Variants in TMEM132B observed in about 807,000 individuals in gnomAD.
TMEM132B encodes the protein transmembrane protein 132B.
Under a neutral mutation model 90.8 loss-of-function variants are expected in TMEM132B, and 18 were observed. The observed-to-expected ratio is 0.20, with a 90% CI of 0.14 to 0.29. The LOEUF is 0.29. Ranked by LOEUF, TMEM132B falls within the 10% of genes least tolerant of loss-of-function variation. TMEM132B has a pLI of 1.00. For synonymous variants in TMEM132B, 504 were observed against 523.3 expected (o/e 0.96, Z 0.50); for missense variants, 1,096 against 1,326.8 (o/e 0.83, Z 2.70).
chr12:125,411,790 C>G (rs1342600090), intron 2 of TMEM132B, among the ~76,000 whole-genome samples: 1 of 152,156 alleles, frequency 6.6e-6, no homozygotes, highest in Non-Finnish European at 1.5e-5. Context: ...GGTCTTTCCT[C>G]TGCTTGTCTT....
chr12:125,464,764 T>C (rs545337630), intron 3 of TMEM132B, among the ~76,000 whole-genome samples: 15 of 152,348 alleles, frequency 9.8e-5, no homozygotes, highest in African/African-American at 3.6e-4. Context: ...AGTTCTGAAA[T>C]TGATTTCCAG....
intron 2 of TMEM132B, among the ~76,000 whole-genome samples, chr12:125,383,150 G>A (rs1265848142): frequency 2.0e-5 from 3 of 152,000 alleles, no homozygotes; most frequent in Non-Finnish European, 4.4e-5. Context: ...GTAGATAATT[G>A]CCTCTTTGAT....
chr12:125,241,562 C>T (rs1219217855), intron 1 of TMEM132B, among the ~76,000 whole-genome samples: 3 of 152,206 alleles, frequency 2.0e-5, no homozygotes, highest in African/African-American at 7.2e-5. Flanking sequence ...CTCTCACTCT[C>T]CTTTCTGTAC....
At chr12:125,361,274 A>T (rs1371110452) in intron 2 of TMEM132B, among the ~76,000 whole-genome samples, 1 of 152,088 alleles carries the variant, frequency 6.6e-6, no homozygotes, top group African/African-American at 2.4e-5. Flanking sequence ...CCATTTAGAG[A>T]TGAAGAAACA....
At chr12:125,279,153 T>G (rs578046834) in intron 1 of TMEM132B, among the ~76,000 whole-genome samples, 239 of 152,350 alleles carry the variant, frequency 1.6e-3, no homozygotes, top group Middle Eastern at 0.01. Context: ...TCACATGTCC[T>G]TCTGAGCTCC....
intron 3 of TMEM132B, among the ~76,000 whole-genome samples, chr12:125,478,329 G>A (rs1043900497): frequency 1.3e-5 from 2 of 152,186 alleles, no homozygotes; most frequent in African/African-American, 2.4e-5. Flanking sequence ...AGCTATAGGA[G>A]GATGTTCAAA....
chr12:125,615,700 T>C (rs1441376552), intron 5 of TMEM132B, among the ~76,000 whole-genome samples: 1 of 152,216 alleles, frequency 6.6e-6, no homozygotes, highest in East Asian at 1.9e-4. Flanking sequence ...ATATTTATAC[T>C]GGCTGCTTTC....
In TMEM132B at chr12:125,652,699, T is replaced by C. The variant is rs945898508; in HGVS notation, c.2106+67T>C. 9 of 1,524,082 alleles carry C rather than the reference T, an allele frequency of 5.9e-6. No homozygotes were observed. In the East Asian group the frequency reaches 1.2e-4, roughly 20 times the overall value. The allele number at this position is 1,524,082 out of a possible 1,614,324, so 94.4% of individuals were successfully genotyped here. Reference sequence around the variant, plus strand: ...GACTTCTCTCTCAGTTAGCACATCCTGCGAAGGAGAGCAGGAGAGCCCTCA... The same window carrying C: ...GACTTCTCTCTCAGTTAGCACATCCCGCGAAGGAGAGCAGGAGAGCCCTCA... On this transcript the variant is annotated intron_variant, in intron 8 of 8. Coordinates refer to ENST00000682704, the MANE Select transcript of TMEM132B (RefSeq NM_001366854.1).
Position 125,614,008 on chromosome 12 carries a change from T to C in TMEM132B, c.1437+30014T>C, listed in dbSNP as rs148987603. On this transcript the variant is annotated intron_variant, in intron 5 of 8. Transcript: ENST00000682704. The stretch of plus-strand genomic sequence containing the variant: ...TATTCATGTTATTGGCCCAACAATA[T>C]AATTGTATACATACTGTTTTATATT... 7.6e-3 allele frequency among the ~76,000 whole-genome samples: 1,153 copies of C among 152,256 alleles called. 14 individuals are homozygous for C. The highest frequency in any genetic ancestry group is 0.025 in the African/African-American group (1,027 of 41,568).
Position 125,194,482 on chromosome 12 carries a change from G to A in TMEM132B, c.67+7616G>A, listed in dbSNP as rs574894560. Among the ~76,000 whole-genome samples, 11 of 152,310 alleles carry A rather than the reference G, an allele frequency of 7.2e-5. No individual in the cohort carries two copies. In the South Asian group the frequency reaches 2.3e-3, roughly 32 times the overall value. ...GTGACTCCCCCGGGCCTTCCAAGGG[G>A]TCTTGGCTTTGTTTTTGGAACTCTG... is the stretch of plus-strand genomic sequence containing the variant. On this transcript the variant is annotated intron_variant, in intron 1 of 8. Transcript: ENST00000682704.
intron 6 of TMEM132B, among the ~76,000 whole-genome samples, chr12:125,647,318 CCT>C (rs1886790657): frequency 6.6e-6 from 1 of 152,102 alleles, no homozygotes; most frequent in African/African-American, 2.4e-5. Context: ...TGGCTGAAAA[CCT>C]CTCCAATTTG....
intron 1 of TMEM132B, among the ~76,000 whole-genome samples, chr12:125,238,681 C>T (rs984107753): frequency 3.3e-5 from 5 of 152,326 alleles, no homozygotes; most frequent in East Asian, 1.9e-4. Flanking sequence ...AAAGTTGATC[C>T]GTGACAGGTG....
chr12:125,651,570 GGATGAAACATGGTAT>G (rs1886921916), intron 7 of TMEM132B, among the ~76,000 whole-genome samples: 1 of 152,154 alleles, frequency 6.6e-6, no homozygotes, highest in Non-Finnish European at 1.5e-5. Flanking sequence ...TGGCAAAGCT[GGATGAAACATGGTAT>G]GTTCTGTGTT....
At chr12:125,254,633 A>G (rs189282732) in intron 1 of TMEM132B, among the ~76,000 whole-genome samples, 7 of 151,534 alleles carry the variant, frequency 4.6e-5, no homozygotes, top group Admixed American at 4.6e-4. Flanking sequence ...GTTTAAGTGC[A>G]AGGTCCTCTC....
chr12:125,221,777 G>A (rs1030630165), intron 1 of TMEM132B, among the ~76,000 whole-genome samples: 1 of 152,236 alleles, frequency 6.6e-6, no homozygotes, highest in South Asian at 2.1e-4. Context: ...GTGGAATTCA[G>A]GGAAGGCTTC....
At chr12:125,239,548 T>A (rs79845465) in intron 1 of TMEM132B, among the ~76,000 whole-genome samples, 37 of 152,314 alleles carry the variant, frequency 2.4e-4, no homozygotes, top group Non-Finnish European at 4.9e-4. Flanking sequence ...TCTCAGGTGG[T>A]CTTCTCATAG....
At chr12:125,449,907 A>G (rs989013727) in intron 3 of TMEM132B, among the ~76,000 whole-genome samples, 1 of 152,192 alleles carries the variant, frequency 6.6e-6, no homozygotes, top group Non-Finnish European at 1.5e-5. Context: ...TTGGGAGCCA[A>G]CCAAAGAAAT....
At chr12:125,507,248 T>TCATC (rs1290796164) in intron 3 of TMEM132B, among the ~76,000 whole-genome samples, 1 of 152,228 alleles carries the variant, frequency 6.6e-6, no homozygotes, top group African/African-American at 2.4e-5. Flanking sequence ...ATTCATTCAT[T>TCATC]CATCCATCCA....
intron 3 of TMEM132B, among the ~76,000 whole-genome samples, chr12:125,436,328 C>G (rs1041176193): frequency 2.0e-5 from 3 of 152,146 alleles, no homozygotes; most frequent in African/African-American, 7.2e-5. Context: ...ATCTCAGCCT[C>G]ACTGTTTGCC....
Sources: gnomAD v4.1 joint callset for allele counts (sites outside exome capture counted in the v4.1 genomes callset) on GRCh38, gnomAD v4.1.1 for gene constraint, MANE v1.5 for transcripts, NCBI Gene and HGNC (gene_info 2026-07-23, HGNC 2026-07-21) for gene names.